Variants in ZNRF2 observed in about 807,000 individuals in gnomAD.
ZNRF2 encodes the protein zinc and ring finger 2, also known as E3 ubiquitin-protein ligase ZNRF2.
ZNRF2 carries 16 observed loss-of-function variants against 20.4 expected under a neutral mutation model. That is an observed-to-expected ratio of 0.79 (90% CI 0.53 to 1.19). The LOEUF is 1.19. Ranked by LOEUF, ZNRF2 falls within the 50% of genes most tolerant of loss-of-function variation. The probability of loss-of-function intolerance (pLI) is 0.00; values close to 1 mark genes in which losing one functional copy is unlikely to be tolerated. For synonymous variants in ZNRF2, 178 were observed against 144.9 expected, an observed-to-expected ratio of 1.23 and a Z score of -1.64; for missense variants, 363 against 332.4, an observed-to-expected ratio of 1.09 and a Z score of -0.72.
chr7:30,294,167 TGTTC>T (rs1446261506), intron 1 of ZNRF2, among the ~76,000 whole-genome samples: 13 of 152,174 alleles, frequency 8.5e-5, no homozygotes, highest in African/African-American at 3.1e-4. Flanking sequence ...ACCTCTATTC[TGTTC>T]GTTCTCATTT....
chr7:30,301,399 C>T (rs1042246503), intron 1 of ZNRF2, among the ~76,000 whole-genome samples: 1 of 152,080 alleles, frequency 6.6e-6, no homozygotes, highest in Non-Finnish European at 1.5e-5. Context: ...AGGAGAATCG[C>T]TTAAACCCGG....
At chr7:30,342,899 C>T (rs1247869241) in intron 2 of ZNRF2, among the ~76,000 whole-genome samples, 1 of 151,584 alleles carries the variant, frequency 6.6e-6, no homozygotes, top group African/African-American at 2.4e-5. Flanking sequence ...GACTTTTTTC[C>T]CCCTGGTTTT....
chr7:30,326,009 C>G (rs560991499), intron 2 of ZNRF2, among the ~76,000 whole-genome samples: 39 of 152,040 alleles, frequency 2.6e-4, no homozygotes, highest in African/African-American at 8.9e-4. Flanking sequence ...TTCTGGCTTT[C>G]AATTTGAAAA....
rs1367015997 is a variant in ZNRF2, at chr7:30,323,338, A to T, written c.470-304A>T. On this transcript the variant is annotated intron_variant, in intron 1 of 4. Transcript: ENST00000323037. ...AACATGAAATCATGAGTACAGGTTA[A>T]TGTAAAAAATTAAAAACGAGAATAC... Among the ~76,000 whole-genome samples, 10 of 152,146 alleles carry T rather than the reference A, an allele frequency of 6.6e-5. No homozygotes were observed. The East Asian group carries it at 1.9e-3, about 29-fold the overall frequency.
intron 2 of ZNRF2, among the ~76,000 whole-genome samples, chr7:30,339,484 A>G (rs1340850875): frequency 6.6e-6 from 1 of 152,152 alleles, no homozygotes; most frequent in Non-Finnish European, 1.5e-5. Context: ...TTTTCTGCAT[A>G]TGGCTAGCCA....
chr7:30,365,911 C>T (rs1800206294), intron 4 of ZNRF2, 124 bp from the exon 5 acceptor site: 1 of 152,048 alleles, frequency 6.6e-6, no homozygotes, highest in African/African-American at 2.4e-5. Flanking sequence ...TTAATTGATC[C>T]TTCTGTTTCT....
At position 30,310,823 on chromosome 7, in the gene ZNRF2, C is replaced by A. The variant is rs561163314; in HGVS notation, c.470-12819C>A. On this transcript the variant is annotated intron_variant, in intron 1 of 4. Coordinates refer to ENST00000323037, the MANE Select transcript of ZNRF2 (RefSeq NM_147128.4). Reference sequence around the variant, plus strand: ...TCTGAGAGTGGCTAATTAGGAGATTCGTTCCTTGTCTAAGGAGAAACATCT... The same window carrying A: ...TCTGAGAGTGGCTAATTAGGAGATTAGTTCCTTGTCTAAGGAGAAACATCT... 2.0e-5 allele frequency among the ~76,000 whole-genome samples: 3 copies of A among 152,114 alleles called. No individual in the cohort carries two copies. In the South Asian group the frequency reaches 6.2e-4, roughly 32 times the overall value.
intron 1 of ZNRF2, among the ~76,000 whole-genome samples, chr7:30,302,098 G>A (rs906797761): frequency 1.3e-5 from 2 of 152,194 alleles, no homozygotes; most frequent in African/African-American, 4.8e-5. Flanking sequence ...GCATGCCTTT[G>A]ACATTCCTGC....
chr7:30,356,683 A>G (rs1375473033), intron 3 of ZNRF2, among the ~76,000 whole-genome samples: 2 of 151,482 alleles, frequency 1.3e-5, no homozygotes, highest in Non-Finnish European at 2.9e-5. Flanking sequence ...GAATGACAAA[A>G]AGTATATAAC....
intron 1 of ZNRF2, among the ~76,000 whole-genome samples, chr7:30,316,380 A>G (rs932310142): frequency 1.7e-4 from 25 of 149,024 alleles, no homozygotes; most frequent in African/African-American, 5.2e-4. Flanking sequence ...GACTGAATAT[A>G]TGGTCCTGAT....
intron 1 of ZNRF2, among the ~76,000 whole-genome samples, chr7:30,297,805 C>T (rs1583567688): frequency 6.7e-6 from 1 of 149,728 alleles, no homozygotes. Context: ...TTTGCTTTTT[C>T]TTTTTTCTCT....
intron 1 of ZNRF2, among the ~76,000 whole-genome samples, chr7:30,314,650 A>G (rs995044396): frequency 6.6e-6 from 1 of 152,156 alleles, no homozygotes; most frequent in African/African-American, 2.4e-5. Flanking sequence ...TGCCAAAGAC[A>G]TAAAAATGTG....
chr7:30,347,584 A>C (rs1270499960), intron 2 of ZNRF2, among the ~76,000 whole-genome samples: 2 of 152,148 alleles, frequency 1.3e-5, no homozygotes, highest in African/African-American at 4.8e-5. Flanking sequence ...ATGGTGGTAC[A>C]TGCTTGTAGT....
intron 2 of ZNRF2, among the ~76,000 whole-genome samples, chr7:30,350,868 C>T (rs997531553): frequency 4.6e-5 from 7 of 151,882 alleles, no homozygotes; most frequent in African/African-American, 1.7e-4. Context: ...TAGCGCTTGG[C>T]GTTGTATTTT....
intron 3 of ZNRF2, among the ~76,000 whole-genome samples, chr7:30,361,930 T>C (rs1421868637): frequency 6.6e-6 from 1 of 152,218 alleles, no homozygotes; most frequent in African/African-American, 2.4e-5. Context: ...GATTTAAATA[T>C]TCAATAATCA....
Position 30,294,011 on chromosome 7 carries a change from G to T in ZNRF2, c.469+8185G>T, listed in dbSNP as rs763887392. ...TGGGTTATTTATTTTTATTTTTATT[G>T]TCTTTTTTTTCTTTCCTTTTTGTGG... On this transcript the variant is annotated intron_variant, in intron 1 of 4. Coordinates refer to ENST00000323037, the MANE Select transcript of ZNRF2 (RefSeq NM_147128.4). 8.6e-5 allele frequency among the ~76,000 whole-genome samples: 13 copies of T among 151,944 alleles called. No individual in the cohort carries two copies. In the East Asian group the frequency reaches 1.7e-3, roughly 20 times the overall value.
Position 30,284,946 on chromosome 7 carries a change from A to G in ZNRF2, c.-412A>G, listed in dbSNP as rs532958735. 4 of 264,838 alleles carry G rather than the reference A, an allele frequency of 1.5e-5. No individual in the cohort carries two copies. The highest frequency in any genetic ancestry group is 1.1e-4 in the South Asian group (4 of 36,582). The allele number at this position is 264,838 out of a possible 1,614,324, so 16.4% of individuals were successfully genotyped here. On this transcript the variant is annotated 5_prime_UTR_variant, in exon 1 of 5. Transcript: ENST00000323037. ...GGAGCCGGAGGATGGCGGCGGTAGCAGCGGCCGCCCGAGAGGAGGCGGTGC... is the reference window on the plus strand; with the variant it reads ...GGAGCCGGAGGATGGCGGCGGTAGCGGCGGCCGCCCGAGAGGAGGCGGTGC...
intron 1 of ZNRF2, among the ~76,000 whole-genome samples, chr7:30,316,100 C>T (rs1386706440): frequency 3.3e-5 from 5 of 151,646 alleles, no homozygotes; most frequent in Non-Finnish European, 7.4e-5. Flanking sequence ...ACCAGCCTGA[C>T]CAACATGGAG....
chr7:30,313,484 C>T (rs1033349166), intron 1 of ZNRF2, among the ~76,000 whole-genome samples: 26 of 152,028 alleles, frequency 1.7e-4, no homozygotes, highest in African/African-American at 6.0e-4. Flanking sequence ...TTGTGAATTC[C>T]CAGAGCAAAT....
Sources: allele counts gnomAD v4.1 joint callset (sites outside exome capture counted in the v4.1 genomes callset), GRCh38; gene constraint gnomAD v4.1.1; transcripts MANE v1.5; gene names NCBI Gene and HGNC (gene_info 2026-07-23, HGNC 2026-07-21).